Variants in DCC observed in about 807,000 individuals in gnomAD.
DCC encodes netrin receptor DCC.
DCC carries 58 observed loss-of-function variants against 172.5 expected under a neutral mutation model. The ratio of observed to expected loss-of-function variants is 0.34; its 90% CI spans 0.27 to 0.42. DCC has a LOEUF of 0.42. Ranked by LOEUF, DCC falls within the 10% of genes least tolerant of loss-of-function variation. The probability of loss-of-function intolerance (pLI) is 1.00; values close to 1 mark genes in which losing one functional copy is unlikely to be tolerated. For synonymous variants in DCC, 709 were observed against 644.5 expected (o/e 1.10, Z -1.52); for missense variants, 1,740 against 1,791.0 (o/e 0.97, Z 0.51).
chr18:53,235,357 CCCTTTAGA>C (rs1470791462), intron 12 of DCC, among the ~76,000 whole-genome samples: 1 of 152,090 alleles, frequency 6.6e-6, no homozygotes, highest in East Asian at 1.9e-4. Flanking sequence ...AAAATTTAAA[CCCTTTAGA>C]ATGACATGTG....
chr18:52,553,742 T>C (rs1164416341), intron 1 of DCC, among the ~76,000 whole-genome samples: 1 of 152,022 alleles, frequency 6.6e-6, no homozygotes, highest in East Asian at 1.9e-4. Context: ...ATAGAAAGGA[T>C]GCTGTTTGTG....
rs183886367 is a variant in DCC at position 52,712,362 on chromosome 18, T to C, written c.92-39692T>C. On this transcript the variant is annotated intron_variant, in intron 1 of 28. Coordinates refer to ENST00000442544, the MANE Select transcript of DCC (RefSeq NM_005215.4). The stretch of plus-strand genomic sequence containing the variant: ...TTTATATTGTAATATATTATTTGAC[T>C]TTTACTTGTAATCGTTAGCAACCAT... Among the ~76,000 whole-genome samples, 11 of 152,358 alleles carry C rather than the reference T, an allele frequency of 7.2e-5. No individual in the cohort carries two copies. The East Asian group carries it at 1.9e-3, about 27-fold the overall frequency.
At chr18:52,348,868 C>T (rs1983993954) in intron 1 of DCC, among the ~76,000 whole-genome samples, 1 of 152,088 alleles carries the variant, frequency 6.6e-6, no homozygotes, top group African/African-American at 2.4e-5. Flanking sequence ...CTGAGCAAGT[C>T]CTGCCATGTT....
intron 9 of DCC, among the ~76,000 whole-genome samples, chr18:53,197,784 A>C (rs930847359): frequency 6.6e-6 from 1 of 152,064 alleles, no homozygotes; most frequent in East Asian, 1.9e-4. Context: ...ATTATTGCAA[A>C]TATCAAATTT....
chr18:53,171,509 A>G (rs530228908), intron 8 of DCC, among the ~76,000 whole-genome samples: 2 of 152,304 alleles, frequency 1.3e-5, no homozygotes, highest in East Asian at 3.9e-4. Flanking sequence ...ATATCAATGA[A>G]TATGTTTATA....
intron 17 of DCC, among the ~76,000 whole-genome samples, chr18:53,395,964 T>A (rs529032762): frequency 1.3e-3 from 196 of 152,276 alleles, no homozygotes; most frequent in African/African-American, 4.3e-3. Context: ...TAAGAAGACT[T>A]CTGATAAATA....
intron 1 of DCC, among the ~76,000 whole-genome samples, chr18:52,524,033 CG>C (rs2031902549): frequency 2.0e-5 from 3 of 152,116 alleles, no homozygotes; most frequent in Admixed American, 2.0e-4. Flanking sequence ...TGTCATCAGA[CG>C]TAAATGTGGG....
chr18:52,905,989 C>T lies in DCC; in HGVS notation c.413-55C>T, dbSNP rs185116952. ...AATACAAAGTGATTATTTTTATTGG[C>T]GATTATTGTGCTTTATTTGGAAGAC... On this transcript the variant is annotated intron_variant, in intron 2 of 28. Transcript: ENST00000442544. The T allele has an allele frequency of 2.4e-5, 27 of 1,148,336 alleles. No homozygotes were observed. In the African/African-American group the frequency reaches 2.4e-4, roughly 10 times the overall value. The allele number at this position is 1,148,336 out of a possible 1,614,324, so 71.1% of individuals were successfully genotyped here.
intron 11 of DCC, among the ~76,000 whole-genome samples, chr18:53,215,237 G>T (rs922307869): frequency 6.6e-6 from 1 of 151,998 alleles, no homozygotes. Context: ...TGGTTTCTCT[G>T]GGAAAGTTAT....
At chr18:52,792,909 T>A (rs2037804000) in intron 2 of DCC, among the ~76,000 whole-genome samples, 1 of 100,116 alleles carries the variant, frequency 1.0e-5, no homozygotes, top group East Asian at 2.6e-4. Flanking sequence ...TTTCTCCATA[T>A]TTACCACTCA....
chr18:52,479,544 C>G (rs73955694), intron 1 of DCC, among the ~76,000 whole-genome samples: 5 of 150,304 alleles, frequency 3.3e-5, no homozygotes, highest in African/African-American at 9.8e-5. Context: ...CTCTCTCTCT[C>G]TCTGTCTCTC....
intron 5 of DCC, among the ~76,000 whole-genome samples, chr18:52,951,458 G>A (rs1190889852): frequency 6.6e-6 from 1 of 151,906 alleles, no homozygotes; most frequent in Non-Finnish European, 1.5e-5. Context: ...GACAGGTCCC[G>A]GTGTGTGATA....
chr18:52,358,520 A>ACCATATTACCATATTT (rs1487032078), intron 1 of DCC, among the ~76,000 whole-genome samples: 5 of 152,244 alleles, frequency 3.3e-5, no homozygotes, highest in Admixed American at 3.3e-4. Flanking sequence ...TAAATTATTT[A>ACCATATTACCATATTT]CCATATTACC....
Position 53,066,111 on chromosome 18 carries a change from T to C in DCC, c.1206T>C (p.Ala402=), listed in dbSNP as rs1239762031. ...ATGAAGGCTTTTATCAATGTGTGGC[T>C]GAAAATGAGGCTGGAAATGCCCAGA... ...KSDEGFYQCV[A]ENEAGNAQTS... is the part of the protein sequence containing the mutation. Residue 402 remains alanine, a synonymous_variant, in exon 7 of 29, where the codon GCT becomes GCC. Transcript: ENST00000442544. The C allele has an allele frequency of 1.2e-6, 2 of 1,613,352 alleles. No homozygotes were observed. The highest frequency in any genetic ancestry group is 2.7e-5 in the African/African-American group (2 of 74,842).
chr18:52,462,069 C>T (rs1234847149), intron 1 of DCC, among the ~76,000 whole-genome samples: 2 of 152,222 alleles, frequency 1.3e-5, no homozygotes, highest in South Asian at 2.1e-4. Context: ...TCAGTAAATC[C>T]TTTGGCCGCA....
chr18:53,286,701 G>C (rs2056939762), intron 12 of DCC, among the ~76,000 whole-genome samples: 1 of 152,112 alleles, frequency 6.6e-6, no homozygotes, highest in Non-Finnish European at 1.5e-5. Context: ...CGCCATTGCT[G>C]TCTTCAAATA....
chr18:53,304,087 C>G (rs923807405), intron 12 of DCC, among the ~76,000 whole-genome samples: 2 of 152,238 alleles, frequency 1.3e-5, no homozygotes, highest in Non-Finnish European at 2.9e-5. Context: ...CCACACTGCT[C>G]TTCTGTTCCT....
At chr18:52,371,910 A>G (rs1363642587) in intron 1 of DCC, among the ~76,000 whole-genome samples, 3 of 152,202 alleles carry the variant, frequency 2.0e-5, no homozygotes, top group African/African-American at 4.8e-5. Context: ...TTGATAATAA[A>G]GAAGACCAGG....
chr18:53,045,806 A>G (rs1460050907), intron 5 of DCC, among the ~76,000 whole-genome samples: 2 of 151,922 alleles, frequency 1.3e-5, no homozygotes, highest in Non-Finnish European at 2.9e-5. Context: ...TTTTTGAAAT[A>G]GAAATGTTTT....
Sources: allele counts gnomAD v4.1 joint callset (sites outside exome capture counted in the v4.1 genomes callset), GRCh38; gene constraint gnomAD v4.1.1; transcripts MANE v1.5; gene names NCBI Gene and HGNC (gene_info 2026-07-23, HGNC 2026-07-21).